FOXP4: variants seen among roughly 807,000 people sequenced by gnomAD.
FOXP4 encodes forkhead box P4.
Under a neutral mutation model 82.6 loss-of-function variants are expected in FOXP4, and 25 were observed. That is an observed-to-expected ratio of 0.30 (90% CI 0.22 to 0.42). The LOEUF (loss-of-function observed/expected upper bound fraction) is 0.42. Among genes scored for constraint, FOXP4 ranks in the 10% least tolerant of loss-of-function variants. FOXP4 has a pLI of 1.00. For synonymous variants in FOXP4, 415 were observed against 388.2 expected, an observed-to-expected ratio of 1.07 and a Z score of -0.81; for missense variants, 785 against 900.9, an observed-to-expected ratio of 0.87 and a Z score of 1.65.
intron 2 of FOXP4, chr6:41,570,289 G>T (rs1424507235): frequency 2.1e-6 from 1 of 470,070 alleles, no homozygotes. Context: ...TGGAGGGAGA[G>T]TTGGGGCCCG....
chr6:41,581,550 G>A (rs745951275), intron 3 of FOXP4, among the ~76,000 whole-genome samples: 1 of 152,178 alleles, frequency 6.6e-6, no homozygotes, highest in African/African-American at 2.4e-5. Context: ...GCTGCAGAGC[G>A]CCCATCCTGA....
intron 1 of FOXP4, among the ~76,000 whole-genome samples, chr6:41,561,192 A>G (rs1231404676): frequency 6.6e-6 from 1 of 152,208 alleles, no homozygotes; most frequent in East Asian, 1.9e-4. Context: ...GGCCTGACAT[A>G]GGCTCCGAGG....
intron 3 of FOXP4, among the ~76,000 whole-genome samples, chr6:41,582,307 G>C (rs1449038210): frequency 6.6e-6 from 1 of 152,152 alleles, no homozygotes; most frequent in Non-Finnish European, 1.5e-5. Context: ...CAGGGTTGCC[G>C]TGAAGATTCC....
At chr6:41,582,447 C>G (rs1285890796) in intron 3 of FOXP4, among the ~76,000 whole-genome samples, 1 of 152,212 alleles carries the variant, frequency 6.6e-6, no homozygotes, top group East Asian at 1.9e-4. Context: ...GAAAGTGAGG[C>G]TTGGTGATTT....
At chr6:41,594,348 C>T (rs1019116329) in intron 13 of FOXP4, among the ~76,000 whole-genome samples, 1 of 152,216 alleles carries the variant, frequency 6.6e-6, no homozygotes, top group East Asian at 1.9e-4. Flanking sequence ...ACAGCCAAAG[C>T]ATGGCTCCCA....
intron 1 of FOXP4, among the ~76,000 whole-genome samples, chr6:41,555,170 A>G (rs1445274054): frequency 1.3e-5 from 2 of 151,926 alleles, no homozygotes; most frequent in African/African-American, 4.8e-5. Flanking sequence ...CACTTAAGCC[A>G]AGGAGGAAAG....
chr6:41,597,323 G>C (rs957423255), intron 15 of FOXP4, 81 bp downstream of exon 15: 1 of 1,436,654 alleles, frequency 7.0e-7, no homozygotes, highest in South Asian at 1.2e-5. Flanking sequence ...ATCCTCCCCT[G>C]CAGAGGACTC....
chr6:41,551,345 C>A (rs899520271), intron 1 of FOXP4, among the ~76,000 whole-genome samples: 2 of 152,210 alleles, frequency 1.3e-5, no homozygotes, highest in Non-Finnish European at 2.9e-5. Flanking sequence ...TGCCTTGATC[C>A]TGGTCCCAGG....
chr6:41,551,803 C>T (rs932875760), intron 1 of FOXP4, among the ~76,000 whole-genome samples: 2 of 152,122 alleles, frequency 1.3e-5, no homozygotes, highest in South Asian at 2.1e-4. Context: ...GGAATGGAGC[C>T]AGGGACTCAG....
At chr6:41,580,460 G>A (rs951750175) in intron 3 of FOXP4, among the ~76,000 whole-genome samples, 2 of 152,174 alleles carry the variant, frequency 1.3e-5, no homozygotes, top group African/African-American at 4.8e-5. Flanking sequence ...TATTTCCCTG[G>A]TGTAGAAGCC....
Position 41,597,828 on chromosome 6 carries a change from G to A in FOXP4, c.1773G>A (p.Met591Ile), listed in dbSNP as rs143078501. 3.7e-6 allele frequency: 6 copies of A among 1,606,132 alleles called. No individual in the cohort carries two copies. In the Admixed American group the frequency reaches 1.0e-4, roughly 27 times the overall value. Residue 591 changes from methionine to isoleucine, a missense_variant, in exon 16 of 17, where the codon ATG becomes ATA. Around this residue, in one of 3 missense-constraint regions of FOXP4, gnomAD observed 184 missense variants for 187.3 expected, o/e 0.98. Transcript: ENST00000307972. ...TCCCCCTCCTCAACAGCCCTGGCATGCTGAACCCTGGCTCCGCCAGCAGCC... is the reference window on the plus strand; with the variant it reads ...TCCCCCTCCTCAACAGCCCTGGCATACTGAACCCTGGCTCCGCCAGCAGCC... Reference protein sequence around the residue: ...SSFPLLNSPGMLNPGSASSLL... With the variant: ...SSFPLLNSPGILNPGSASSLL...
Position 41,589,698 on chromosome 6 carries a change from G to A in FOXP4, c.1066-73G>A, listed in dbSNP as rs1455363050. On this transcript the variant is annotated intron_variant, in intron 9 of 16. Transcript: ENST00000307972. ...TCGGCGGCCTTCTGAAGAGCCTGGC[G>A]GTGGAGGGGTGGGACAACACTGCCT... 65 of 1,467,300 alleles carry A rather than the reference G, an allele frequency of 4.4e-5. No individual in the cohort carries two copies. In the South Asian group the frequency reaches 4.5e-4, roughly 10 times the overall value. 90.9% of individuals were successfully genotyped at this position (1,467,300 alleles called of 1,614,324 possible). A position where few individuals can be genotyped will look rare whatever the true frequency, so the allele number is the denominator to read the frequency against.
rs1767190655 is a variant in FOXP4, at chr6:41,600,956, C to T, written c.*2020C>T. The T allele has an allele frequency of 6.6e-6, 1 of 152,268 alleles. No homozygotes were observed. The highest frequency in any genetic ancestry group is 2.4e-5 in the African/African-American group (1 of 41,460). 9.4% of individuals were successfully genotyped at this position (152,268 alleles called of 1,614,324 possible). A position where few individuals can be genotyped will look rare whatever the true frequency, so the allele number is the denominator to read the frequency against. On this transcript the variant is annotated 3_prime_UTR_variant, in exon 17 of 17. Transcript: ENST00000307972. ...CCAAGTTCTTGCCAGAGTGTTGGAG[C>T]AAGGCAGCTGATTTGCTGCAGGGAT...
At chr6:41,559,515 G>GA (rs940639123) in intron 1 of FOXP4, among the ~76,000 whole-genome samples, 12 of 151,864 alleles carry the variant, frequency 7.9e-5, no homozygotes, top group Admixed American at 1.3e-4. Flanking sequence ...GGTTTATCTA[G>GA]AAAAAAAAGA....
intron 7 of FOXP4, 129 bp downstream of exon 7, chr6:41,587,641 C>A: frequency 1.1e-6 from 1 of 892,186 alleles, no homozygotes; most frequent in East Asian, 2.9e-5. Context: ...CCTCTCCACT[C>A]CCTCTCCCGG....
At chr6:41,584,743 C>G (rs1359936381) in intron 3 of FOXP4, 26 bp from the exon 4 acceptor site, 2 of 1,561,004 alleles carry the variant, frequency 1.3e-6, no homozygotes, top group Non-Finnish European at 1.7e-6. Flanking sequence ...GTCCAGGGGA[C>G]AGGGCTAACG....
Position 41,597,870 on chromosome 6 carries a change from C to T in FOXP4, c.1815C>T (p.His605=), listed in dbSNP as rs372815809. ...CCAGCAGCCTGCTGCCCCTCAGCCA[C>T]GATGACGTGGGTGCCCCCGTGGAGC... ...GSASSLLPLS[H]DDVGAPVEPL... The change falls in exon 16 of 17, where the codon CAC becomes CAT. Residue 605 remains histidine, a synonymous_variant. Coordinates refer to ENST00000307972, the MANE Select transcript of FOXP4 (RefSeq NM_001012426.2). 27 of 1,598,148 alleles carry T rather than the reference C, an allele frequency of 1.7e-5. No homozygotes were observed. Among genetic ancestry groups the T allele is most frequent in the African/African-American group, 2.7e-5 (2 of 74,710 alleles).
At position 41,599,094 on chromosome 6, in the gene FOXP4, A is replaced by C; in HGVS notation, c.*158A>C. On this transcript the variant is annotated 3_prime_UTR_variant, in exon 17 of 17. Transcript: ENST00000307972. ...GCAGCTCCCAGTGTGACCTGACAAA[A>C]ACACGTAGGGGCAGGGACGGTCCCC... 1 of 1,001,690 alleles carries C rather than the reference A, an allele frequency of 1.0e-6. No individual in the cohort carries two copies. 62.1% of individuals were successfully genotyped at this position (1,001,690 alleles called of 1,614,324 possible). A position where few individuals can be genotyped will look rare whatever the true frequency, so the allele number is the denominator to read the frequency against.
intron 3 of FOXP4, among the ~76,000 whole-genome samples, chr6:41,579,385 A>C (rs1398784238): frequency 6.6e-6 from 1 of 152,160 alleles, no homozygotes; most frequent in African/African-American, 2.4e-5. Flanking sequence ...TGATCCCCAC[A>C]TACAATCCCA....
Sources: allele counts gnomAD v4.1 joint callset (sites outside exome capture counted in the v4.1 genomes callset), GRCh38; gene constraint gnomAD v4.1.1; regional missense constraint gnomAD v4.1.1; transcripts MANE v1.5; gene names NCBI Gene and HGNC (gene_info 2026-07-23, HGNC 2026-07-21).